WDR25: variants seen among roughly 807,000 people sequenced by gnomAD.
WDR25 encodes the protein WD repeat domain 25.
Under a neutral mutation model 47.7 loss-of-function variants are expected in WDR25, and 35 were observed. That is an observed-to-expected ratio of 0.73 (90% CI 0.56 to 0.97). WDR25 has a LOEUF of 0.97. Among genes scored for constraint, WDR25 ranks in the 50% least tolerant of loss-of-function variants. WDR25 has a pLI of 0.00. For synonymous variants in WDR25, 248 were observed against 278.9 expected, an observed-to-expected ratio of 0.89 and a Z score of 1.10; for missense variants, 634 against 704.7, an observed-to-expected ratio of 0.90 and a Z score of 1.14.
chr14:100,518,641 A>C (rs915366580), intron 4 of WDR25, among the ~76,000 whole-genome samples: 1 of 152,084 alleles, frequency 6.6e-6, no homozygotes, highest in Admixed American at 6.6e-5. Context: ...CTGTAATCCT[A>C]GCACTTTGGG....
chr14:100,437,868 G>A (rs1047413905), intron 2 of WDR25, among the ~76,000 whole-genome samples: 1 of 152,124 alleles, frequency 6.6e-6, no homozygotes, highest in Non-Finnish European at 1.5e-5. Context: ...GACCACCAAG[G>A]ATGCTAAGGG....
Position 100,498,941 on chromosome 14 carries a change from G to C in WDR25, c.1101+14817G>C, listed in dbSNP as rs1008554116. ...TGAGCCGATGAGAGGGCTTGTCGTG[G>C]GGTCCCCCTGTGACTTGGGTGCAAG... On this transcript the variant is annotated intron_variant, in intron 4 of 6. Coordinates refer to ENST00000402312, the MANE Select transcript of WDR25 (RefSeq NM_001161476.3). This position sits in a 1 kb window ranked among gnomAD's most constrained non-coding sequence, Gnocchi z 4.2. Among the ~76,000 whole-genome samples, 33 of 152,146 alleles carry C rather than the reference G, an allele frequency of 2.2e-4. No homozygotes were observed. The highest frequency in any genetic ancestry group is 7.5e-4 in the African/African-American group (31 of 41,422).
At position 100,502,413 on chromosome 14, in the gene WDR25, C is replaced by T. The variant is rs993151978; in HGVS notation, c.1101+18289C>T. On this transcript the variant is annotated intron_variant, in intron 4 of 6. Transcript: ENST00000402312. The surrounding 1 kb of genome is among the most constrained non-coding windows in gnomAD (Gnocchi z 4.5). Reference sequence around the variant, plus strand: ...ATGACCTAGCCTGTGTAGAGCACAACCCCCAGTTGTTAGCTGGGAATGGCT... The same window carrying T: ...ATGACCTAGCCTGTGTAGAGCACAATCCCCAGTTGTTAGCTGGGAATGGCT... 3.9e-5 allele frequency among the ~76,000 whole-genome samples: 6 copies of T among 151,996 alleles called. No individual in the cohort carries two copies. Among genetic ancestry groups the T allele is most frequent in the Non-Finnish European group, 5.9e-5 (4 of 67,964 alleles).
At chr14:100,402,984 G>A (rs1413547289) in intron 2 of WDR25, among the ~76,000 whole-genome samples, 1 of 152,092 alleles carries the variant, frequency 6.6e-6, no homozygotes, top group Non-Finnish European at 1.5e-5. Context: ...TGACAGCTGA[G>A]CTTCATTACG....
At chr14:100,405,168 C>CTTTTTTTTTTTTTTTTT (rs35414565) in intron 2 of WDR25, among the ~76,000 whole-genome samples, 6 of 146,330 alleles carry the variant, frequency 4.1e-5, no homozygotes, top group South Asian at 2.1e-4. Flanking sequence ...TCTGCCCCAT[C>CTTTTTTTTTTTTTTTTT]TTTTTTTTTT....
intron 2 of WDR25, among the ~76,000 whole-genome samples, chr14:100,433,787 C>G (rs1898413450): frequency 6.6e-6 from 1 of 152,166 alleles, no homozygotes; most frequent in Non-Finnish European, 1.5e-5. Context: ...TTCACGCTAG[C>G]TGCTGTCTCC....
chr14:100,458,731 A>C (rs985122219), intron 2 of WDR25, among the ~76,000 whole-genome samples: 1 of 152,218 alleles, frequency 6.6e-6, no homozygotes, highest in African/African-American at 2.4e-5. Flanking sequence ...TTAAATTAAA[A>C]ATCAGTAACA....
Position 100,449,146 on chromosome 14 carries a change from G to A in WDR25, c.823-18875G>A, listed in dbSNP as rs951943164. Among the ~76,000 whole-genome samples, 5 of 152,204 alleles carry A rather than the reference G, an allele frequency of 3.3e-5. No homozygotes were observed. Among genetic ancestry groups the A allele is most frequent in the Non-Finnish European group, 5.9e-5 (4 of 68,044 alleles). The stretch of plus-strand genomic sequence containing the variant: ...TGTGCTTGGCAAGATAAGGCCTTAT[G>A]GCTAGAAGGCTCGGAGAGCATCCTT... On this transcript the variant is annotated intron_variant, in intron 2 of 6. Coordinates refer to ENST00000402312, the MANE Select transcript of WDR25 (RefSeq NM_001161476.3). This position sits in a 1 kb window ranked among gnomAD's most constrained non-coding sequence, Gnocchi z 4.2.
chr14:100,473,505 G>A (rs1243852737), intron 3 of WDR25, among the ~76,000 whole-genome samples: 2 of 152,206 alleles, frequency 1.3e-5, no homozygotes, highest in African/African-American at 2.4e-5. Context: ...GCAGCAGCTG[G>A]CCACCTGCAG....
intron 2 of WDR25, among the ~76,000 whole-genome samples, chr14:100,403,944 G>A (rs1897455898): frequency 6.6e-6 from 1 of 152,228 alleles, no homozygotes; most frequent in Admixed American, 6.5e-5. Flanking sequence ...AGAGCATTAA[G>A]TTAATTCCTG....
intron 2 of WDR25, among the ~76,000 whole-genome samples, chr14:100,395,657 G>A (rs1897242352): frequency 6.6e-6 from 1 of 152,248 alleles, no homozygotes; most frequent in African/African-American, 2.4e-5. Flanking sequence ...GAGCTCGTCT[G>A]TAAAATGGCA....
In WDR25 at chr14:100,529,024, T is replaced by G. The variant is rs74081533; in HGVS notation, c.1273-44T>G. On this transcript the variant is annotated intron_variant, in intron 5 of 6. Transcript: ENST00000402312. This position sits in a 1 kb window ranked among gnomAD's most constrained non-coding sequence, Gnocchi z 5.1. The stretch of plus-strand genomic sequence containing the variant: ...CAGGCCCCAGAGCAGAGTGCCAGGT[T>G]GGGGGTGTCTTCTCTGACCCATTTG... The G allele has an allele frequency of 1.3e-3, 1,957 of 1,502,200 alleles. 26 individuals are homozygous for G. In the African/African-American group the frequency reaches 0.024, roughly 18 times the overall value. 93.1% of individuals were successfully genotyped at this position (1,502,200 alleles called of 1,614,324 possible).
chr14:100,479,779 A>C (rs570358929), intron 3 of WDR25, among the ~76,000 whole-genome samples: 167 of 152,232 alleles, frequency 1.1e-3, no homozygotes, highest in African/African-American at 3.8e-3. Flanking sequence ...ACACAGCAGG[A>C]GGTGAGCAGT....
intron 2 of WDR25, among the ~76,000 whole-genome samples, chr14:100,383,168 T>C (rs1896943929): frequency 6.6e-6 from 1 of 152,214 alleles, no homozygotes; most frequent in Admixed American, 6.5e-5. Flanking sequence ...TTGTCTGTGC[T>C]CTTTTCTAGC....
intron 2 of WDR25, among the ~76,000 whole-genome samples, chr14:100,401,142 A>G (rs900099287): frequency 4.6e-5 from 7 of 152,154 alleles, no homozygotes; most frequent in Non-Finnish European, 1.0e-4. Flanking sequence ...TCTCACAATA[A>G]TATTTCCTCT....
chr14:100,409,554 A>C (rs1256255237), intron 2 of WDR25, among the ~76,000 whole-genome samples: 1 of 152,148 alleles, frequency 6.6e-6, no homozygotes, highest in Non-Finnish European at 1.5e-5. Flanking sequence ...AGGCACACAA[A>C]GGAGGAGAAA....
At position 100,499,310 on chromosome 14, in the gene WDR25, A is replaced by C. The variant is rs1900837857; in HGVS notation, c.1101+15186A>C. Reference sequence around the variant, plus strand: ...TTTTTGGATGCTATAATTTTTAATAATTACTCAATATATTATACCAAGATG... The same window carrying C: ...TTTTTGGATGCTATAATTTTTAATACTTACTCAATATATTATACCAAGATG... On this transcript the variant is annotated intron_variant, in intron 4 of 6. Coordinates refer to ENST00000402312, the MANE Select transcript of WDR25 (RefSeq NM_001161476.3). The surrounding 1 kb of genome is among the most constrained non-coding windows in gnomAD (Gnocchi z 4.4). Among the ~76,000 whole-genome samples, 1 of 152,204 alleles carries C rather than the reference A, an allele frequency of 6.6e-6. No homozygotes were observed. Among genetic ancestry groups the C allele is most frequent in the Non-Finnish European group, 1.5e-5 (1 of 68,038 alleles).
rs73349419 is a variant in WDR25 at position 100,448,383 on chromosome 14, C to T, written c.823-19638C>T. 4.9e-3 allele frequency among the ~76,000 whole-genome samples: 750 copies of T among 152,250 alleles called. 10 individuals carry two copies. Among genetic ancestry groups the T allele is most frequent in the African/African-American group, 0.017 (705 of 41,532 alleles). The stretch of plus-strand genomic sequence containing the variant: ...GTGCAAGGATTAGATCCAGTGTCCC[C>T]TCTGTTCCTTTTCAGCATCTTACCC... On this transcript the variant is annotated intron_variant, in intron 2 of 6. Transcript: ENST00000402312.
intron 2 of WDR25, among the ~76,000 whole-genome samples, chr14:100,403,232 A>G (rs2140174923): frequency 6.6e-6 from 1 of 152,332 alleles, no homozygotes; most frequent in South Asian, 2.1e-4. Context: ...CATGCTCTGG[A>G]TCTGGAGAGG....
Sources: gnomAD v4.1 joint callset for allele counts (sites outside exome capture counted in the v4.1 genomes callset) on GRCh38, gnomAD v4.1.1 for gene constraint, Gnocchi (gnomAD v3.1) non-coding constraint, MANE v1.5 for transcripts, NCBI Gene and HGNC (gene_info 2026-07-23, HGNC 2026-07-21) for gene names.